RBL1: variants seen among roughly 807,000 people sequenced by gnomAD.
RBL1 encodes the protein RB transcriptional corepressor like 1, also known as retinoblastoma-like protein 1.
In RBL1, 82 loss-of-function variants were observed where a neutral mutation model predicts 123.0. That is an observed-to-expected ratio of 0.67 (90% CI 0.56 to 0.80). The LOEUF (loss-of-function observed/expected upper bound fraction) is 0.80. Ranked by LOEUF, RBL1 falls within the 30% of genes least tolerant of loss-of-function variation. The pLI, the probability that RBL1 is intolerant of heterozygous loss-of-function variation, is 0.00. For missense variants in RBL1, 1,171 were observed against 1,299.6 expected (o/e 0.90, Z 1.52); for synonymous variants, 405 against 441.3 (o/e 0.92, Z 1.03).
chr20:37,060,208 A>ATAAC (rs1381190538), intron 9 of RBL1, among the ~76,000 whole-genome samples: 3 of 151,782 alleles, frequency 2.0e-5, no homozygotes, highest in Admixed American at 6.6e-5. Context: ...AAATAAATAA[A>ATAAC]TAAATCCATT....
chr20:37,053,062 G>C (rs1650992018), intron 11 of RBL1, among the ~76,000 whole-genome samples: 1 of 152,196 alleles, frequency 6.6e-6, no homozygotes, highest in South Asian at 2.1e-4. Context: ...TGACAGACTT[G>C]AAAGAAATAG....
At position 37,040,141 on chromosome 20, in the gene RBL1, T is replaced by C. The variant is rs1330006672; in HGVS notation, c.1903+12A>G. On this transcript the variant is annotated intron_variant, in intron 14 of 21. Transcript: ENST00000373664. The stretch of plus-strand genomic sequence containing the variant: ...TGTTACTTTTTCATTCCTTTACCAA[T>C]GTTGAACCTACCTCTTCGAAGACTC... The C allele has an allele frequency of 6.8e-6, 11 of 1,612,328 alleles. No individual in the cohort carries two copies. The highest frequency in any genetic ancestry group is 1.3e-5 in the African/African-American group (1 of 74,844).
At chr20:37,061,334 C>T in intron 8 of RBL1, 65 bp from the exon 9 acceptor site, 2 of 1,563,378 alleles carry the variant, frequency 1.3e-6, no homozygotes, top group Non-Finnish European at 1.7e-6. Context: ...GTGTTTAATT[C>T]AGTGCATATA....
intron 12 of RBL1, among the ~76,000 whole-genome samples, chr20:37,045,365 C>T (rs1467349699): frequency 6.6e-6 from 1 of 152,026 alleles, no homozygotes; most frequent in Non-Finnish European, 1.5e-5. Flanking sequence ...CTTGGCCTCC[C>T]AAAGTGCTGG....
At chr20:37,060,913 T>A (rs1028769351) in intron 9 of RBL1, among the ~76,000 whole-genome samples, 190 bp downstream of exon 9, 3 of 152,228 alleles carry the variant, frequency 2.0e-5, no homozygotes, top group Admixed American at 2.0e-4. Flanking sequence ...TGTGCCTGAC[T>A]GTTATACATA....
intron 2 of RBL1, among the ~76,000 whole-genome samples, chr20:37,075,879 G>A (rs143244515): frequency 1.3e-5 from 2 of 152,142 alleles, no homozygotes; most frequent in African/African-American, 4.8e-5. Flanking sequence ...AAAAAATACA[G>A]GCAAAAATAC....
intron 20 of RBL1, among the ~76,000 whole-genome samples, chr20:37,007,118 A>G (rs1241903995): frequency 1.3e-5 from 2 of 152,012 alleles, no homozygotes; most frequent in Non-Finnish European, 2.9e-5. Context: ...GCGTGGGGGC[A>G]TGTGGCTGTC....
Position 37,062,109 on chromosome 20 carries a change from T to TG in RBL1, c.1057_1058insC (p.Tyr353SerfsTer2), listed in dbSNP as rs1331443860. Reference sequence around the variant, plus strand: ...TTTTTCAAAGTGCTGTTGAAGGTTATACTCCACATTAGCCTGTGCTGTCAG... The same window carrying TG: ...TTTTTCAAAGTGCTGTTGAAGGTTATGACTCCACATTAGCCTGTGCTGTCAG... On this transcript the variant is annotated frameshift_variant, in exon 8 of 22. Transcript: ENST00000373664. LOFTEE classifies it high-confidence loss of function. The TG allele has an allele frequency of 6.2e-7, 1 of 1,613,980 alleles. No homozygotes were observed. The highest frequency in any genetic ancestry group is 8.5e-7 in the Non-Finnish European group (1 of 1,179,998).
At chr20:37,004,194 C>T (rs1600439816) in intron 20 of RBL1, among the ~76,000 whole-genome samples, 1 of 151,626 alleles carries the variant, frequency 6.6e-6, no homozygotes, top group Non-Finnish European at 1.5e-5. Flanking sequence ...CCTCAGCCTC[C>T]CAAGTAGCTG....
rs117170208 is a variant in RBL1 at position 37,052,528 on chromosome 20, G to A, written c.1467+3025C>T. ...TGTATTTTCATATATTTATTTTTTT[G>A]AGATGGAGTCTCACTCTGTTGCACA... On this transcript the variant is annotated intron_variant, in intron 11 of 21. Transcript: ENST00000373664. Among the ~76,000 whole-genome samples the A allele has an allele frequency of 3.5e-4, 53 of 150,800 alleles. 1 individual carries two copies. The East Asian group carries it at 0.01, about 30-fold the overall frequency.
chr20:37,035,469 T>C lies in RBL1; in HGVS notation c.1943A>G (p.Tyr648Cys), dbSNP rs756089051. Reference sequence around the variant, plus strand: ...AGCACTCCCTGCGGTAGGAGAACTGTAGCGTTCATGGACAGAAATTGGAGA... The same window carrying C: ...AGCACTCCCTGCGGTAGGAGAACTGCAGCGTTCATGGACAGAAATTGGAGA... ...PLSPISVHER[Y>C]SSPTAGSAKR... is the part of the protein sequence containing the mutation. Residue 648 changes from tyrosine (Y) to cysteine (C), a missense_variant, in exon 15 of 22, where the codon TAC (tyrosine) becomes TGC (cysteine). Physicochemically the swap from Tyr to Cys is radical, Grantham distance 194. Coordinates refer to ENST00000373664, the MANE Select transcript of RBL1 (RefSeq NM_002895.5). 6.2e-7 allele frequency: 1 copy of C among 1,610,620 alleles called. No homozygotes were observed. Among genetic ancestry groups the C allele is most frequent in the Non-Finnish European group, 8.5e-7 (1 of 1,178,352 alleles).
At chr20:37,058,143 A>AC (rs201074192) in intron 9 of RBL1, among the ~76,000 whole-genome samples, 42,788 of 139,872 alleles carry the variant, frequency 0.31, 8,401 homozygotes, top group African/African-American at 0.52. Flanking sequence ...AACAAAACAA[A>AC]AAAAAAAAAG....
At chr20:37,036,264 T>C (rs919356260) in intron 14 of RBL1, among the ~76,000 whole-genome samples, 1 of 152,220 alleles carries the variant, frequency 6.6e-6, no homozygotes, top group African/African-American at 2.4e-5. Context: ...GTCAATAATA[T>C]GCTTTTAAAA....
intron 21 of RBL1, among the ~76,000 whole-genome samples, chr20:37,000,020 C>T (rs1268112884): frequency 4.6e-5 from 7 of 151,414 alleles, no homozygotes; most frequent in Non-Finnish European, 8.8e-5. Flanking sequence ...TGTCTCTGCC[C>T]GGCCGCCATC....
chr20:37,007,960 A>G (rs1169386500), intron 19 of RBL1, among the ~76,000 whole-genome samples: 1 of 152,198 alleles, frequency 6.6e-6, no homozygotes, highest in African/African-American at 2.4e-5. Context: ...AAAACCCACA[A>G]ATCTTTATGT....
At chr20:37,004,563 A>G (rs1272371130) in intron 20 of RBL1, among the ~76,000 whole-genome samples, 10 of 144,590 alleles carry the variant, frequency 6.9e-5, no homozygotes, top group African/African-American at 2.6e-4. Context: ...AAATGCAAAA[A>G]TTAGCTGGGC....
At position 37,095,884 on chromosome 20, in the gene RBL1, G is replaced by A. The variant is rs1313035843; in HGVS notation, c.45C>T (p.Ala15=). Residue 15 remains alanine (A), a synonymous_variant, in exon 1 of 22, where the codon GCC becomes GCT. Transcript: ENST00000373664. ...GGGCCTGTAGCGCCTCCCCGGCTGC[G>A]GCGACCACCGCCGCCCCCTCAGCGT... The part of the protein sequence containing the change: ...KPHAEGAAVV[A]AAGEALQALC... 6.2e-7 allele frequency: 1 copy of A among 1,603,630 alleles called. No homozygotes were observed. The highest frequency in any genetic ancestry group is 1.3e-5 in the African/African-American group (1 of 74,894).
intron 2 of RBL1, among the ~76,000 whole-genome samples, chr20:37,069,009 T>C (rs1052030722): frequency 1.3e-5 from 2 of 152,262 alleles, no homozygotes; most frequent in African/African-American, 2.4e-5. Context: ...CCGCCACGCC[T>C]GACTGGTTTT....
In RBL1 at chr20:37,020,596, A is replaced by G. The variant is rs2064326395; in HGVS notation, c.2631+63T>C. ...ACTATAAAATAAGTTTACCTTTTATATAACTTGTCAGTGGAAAAGAGTAAA... is the reference window on the plus strand; with the variant it reads ...ACTATAAAATAAGTTTACCTTTTATGTAACTTGTCAGTGGAAAAGAGTAAA... On this transcript the variant is annotated intron_variant, in intron 18 of 21. Transcript: ENST00000373664. The G allele has an allele frequency of 5.4e-6, 6 of 1,118,780 alleles. No individual in the cohort carries two copies. In the South Asian group the frequency reaches 8.8e-5, roughly 16 times the overall value. The allele number at this position is 1,118,780 out of a possible 1,614,324, so 69.3% of individuals were successfully genotyped here.
Sources: allele counts gnomAD v4.1 joint callset (sites outside exome capture counted in the v4.1 genomes callset), GRCh38; gene constraint gnomAD v4.1.1; transcripts MANE v1.5; gene names NCBI Gene and HGNC (gene_info 2026-07-23, HGNC 2026-07-21).